Variants in SETD5 observed in about 807,000 individuals in gnomAD.
SETD5 encodes SET domain containing 5, also known as histone-lysine N-methyltransferase SETD5.
A neutral mutation model predicts 153.3 loss-of-function variants in SETD5; 44 were observed. The observed-to-expected ratio is 0.29, with a 90% CI of 0.23 to 0.37. The LOEUF is 0.37. Among genes scored for constraint, SETD5 ranks in the 10% least tolerant of loss-of-function variants. The pLI is 1.00. For synonymous variants in SETD5, 716 were observed against 645.2 expected (o/e 1.11, Z -1.66); for missense variants, 1,544 against 1,768.0 (o/e 0.87, Z 2.27).
chr3:9,420,603 T>C (rs1283631141), intron 1 of SETD5, among the ~76,000 whole-genome samples: 2 of 152,238 alleles, frequency 1.3e-5, no homozygotes, highest in African/African-American at 2.4e-5. Context: ...TGATGTTTCC[T>C]GTCTCTCAGT....
chr3:9,401,921 G>A (rs2034845495), intron 1 of SETD5, among the ~76,000 whole-genome samples: 1 of 152,140 alleles, frequency 6.6e-6, no homozygotes, highest in Non-Finnish European at 1.5e-5. Flanking sequence ...GATATAACTG[G>A]TAGTCATTTG....
intron 17 of SETD5, among the ~76,000 whole-genome samples, chr3:9,457,379 C>CG (rs1337369447): frequency 2.6e-5 from 4 of 151,840 alleles, no homozygotes; most frequent in Non-Finnish European, 5.9e-5. Flanking sequence ...TCCCGCTACT[C>CG]GGGGGGCTGA....
At chr3:9,424,409 CTG>C (rs766321560) in intron 1 of SETD5, 56 bp from the exon 2 acceptor site, 3 of 152,298 alleles carry the variant, frequency 2.0e-5, no homozygotes, top group Non-Finnish European at 4.4e-5. Flanking sequence ...GAATTCCATT[CTG>C]TGTGTTCATC....
At chr3:9,426,242 T>TTTTTTC in intron 2 of SETD5, 1 of 110,830 alleles carries the variant, frequency 9.0e-6, no homozygotes, top group Non-Finnish European at 1.8e-5. Context: ...TTTTTTTTTT[T>TTTTTTC]TTTTTTTTTT....
chr3:9,436,972 C>T, intron 7 of SETD5: 1 of 1,280,006 alleles, frequency 7.8e-7, no homozygotes, highest in Non-Finnish European at 1.1e-6. Context: ...CATTGATGGT[C>T]TGGGAATCTT....
chr3:9,446,042 C>G (rs1045518270), intron 13 of SETD5, among the ~76,000 whole-genome samples: 2 of 141,636 alleles, frequency 1.4e-5, no homozygotes, highest in Admixed American at 1.5e-4. Flanking sequence ...AATCCCAGCA[C>G]TTTGGGAGGG....
intron 17 of SETD5, among the ~76,000 whole-genome samples, chr3:9,456,956 T>C (rs544833098): frequency 6.6e-6 from 1 of 150,460 alleles, no homozygotes; most frequent in African/African-American, 2.4e-5. Flanking sequence ...AGCCTGGCAA[T>C]AGAGTGAGAC....
intron 7 of SETD5, among the ~76,000 whole-genome samples, chr3:9,438,267 A>G (rs2040833276): frequency 6.6e-6 from 1 of 152,184 alleles, no homozygotes; most frequent in Admixed American, 6.5e-5. Flanking sequence ...GCAAGTGGCC[A>G]AGTTTGCTTT....
intron 1 of SETD5, among the ~76,000 whole-genome samples, chr3:9,411,761 C>G (rs62246302): frequency 0.12 from 17,711 of 152,168 alleles, 1,397 homozygotes; most frequent in Non-Finnish European, 0.18. Context: ...TCTCTAAACT[C>G]TGTCTGAACT....
chr3:9,442,808 T>G (rs1575434461), intron 10 of SETD5: 1 of 165,936 alleles, frequency 6.0e-6, no homozygotes, highest in Non-Finnish European at 1.3e-5. Flanking sequence ...AAGGCTGAGG[T>G]GGGCAGATAA....
intron 7 of SETD5, 140 bp from the exon 8 acceptor site, chr3:9,440,316 C>CT: frequency 3.3e-6 from 2 of 609,756 alleles, no homozygotes; most frequent in Non-Finnish European, 3.0e-6. Flanking sequence ...GATCCTCTGA[C>CT]TCCCAGTCCA....
At chr3:9,410,378 C>T (rs1432062403) in intron 1 of SETD5, among the ~76,000 whole-genome samples, 1 of 152,084 alleles carries the variant, frequency 6.6e-6, no homozygotes, top group Non-Finnish European at 1.5e-5. Flanking sequence ...TGGCACATGA[C>T]CATATATAGT....
chr3:9,465,070 T>C lies in SETD5; in HGVS notation c.2724+398T>C, dbSNP rs190522553. The C allele has an allele frequency of 6.9e-3, 1,445 of 209,600 alleles. 10 individuals are homozygous for C. Among genetic ancestry groups the C allele is most frequent in the Non-Finnish European group, 0.01 (1,052 of 100,838 alleles). The allele number at this position is 209,600 out of a possible 1,614,324, so 13.0% of individuals were successfully genotyped here. Reference sequence around the variant, plus strand: ...CAGATGATATTGATTGATTGTGTCTTCGTTTCTAGGCCTTTAAATAAGTGA... The same window carrying C: ...CAGATGATATTGATTGATTGTGTCTCCGTTTCTAGGCCTTTAAATAAGTGA... On this transcript the variant is annotated intron_variant, in intron 18 of 22. Coordinates refer to ENST00000402198, the MANE Select transcript of SETD5 (RefSeq NM_001080517.3).
intron 12 of SETD5, 166 bp downstream of exon 12, chr3:9,445,466 A>C: frequency 1.1e-6 from 1 of 951,044 alleles, no homozygotes; most frequent in South Asian, 1.7e-5. Context: ...TTACAAAGTC[A>C]AAAACATCCT....
intron 1 of SETD5, among the ~76,000 whole-genome samples, chr3:9,412,290 G>A (rs368898990): frequency 1.3e-5 from 2 of 151,256 alleles, no homozygotes. Flanking sequence ...TTTAGATATG[G>A]GCATTCTAGG....
chr3:9,449,915 A>G (rs867444721), intron 16 of SETD5, among the ~76,000 whole-genome samples: 1 of 152,252 alleles, frequency 6.6e-6, no homozygotes, highest in African/African-American at 2.4e-5. Context: ...TTATCAAGCC[A>G]GGTCGTACAA....
intron 18 of SETD5, chr3:9,468,714 T>TG: frequency 1.7e-6 from 1 of 572,560 alleles, no homozygotes; most frequent in Non-Finnish European, 2.9e-6. Context: ...TCACAGTAAG[T>TG]TGAATGAGTC....
chr3:9,412,338 T>TC (rs1483582896), intron 1 of SETD5, among the ~76,000 whole-genome samples: 2 of 149,652 alleles, frequency 1.3e-5, no homozygotes, highest in East Asian at 3.9e-4. Context: ...TCTTCCCTTT[T>TC]CCCCCACCAC....
intron 1 of SETD5, 182 bp downstream of exon 1, chr3:9,398,159 C>G (rs1298212792): frequency 6.6e-6 from 1 of 151,940 alleles, no homozygotes; most frequent in Non-Finnish European, 1.5e-5. Flanking sequence ...GTTGCAACAC[C>G]CCATTTTCCC....
Sources: gnomAD v4.1 joint callset for allele counts (sites outside exome capture counted in the v4.1 genomes callset) on GRCh38, gnomAD v4.1.1 for gene constraint, MANE v1.5 for transcripts, NCBI Gene and HGNC (gene_info 2026-07-23, HGNC 2026-07-21) for gene names.